Variants in TENM3 observed in about 807,000 individuals in gnomAD.
TENM3 encodes the protein teneurin transmembrane protein 3, also known as teneurin-3.
In TENM3, 63 loss-of-function variants were observed where a neutral mutation model predicts 255.1. The observed-to-expected ratio is 0.25, with a 90% CI of 0.20 to 0.30. The LOEUF (loss-of-function observed/expected upper bound fraction) is 0.30, where lower values mean the gene tolerates loss of function less well. Among genes scored for constraint, TENM3 ranks in the 10% least tolerant of loss-of-function variants. The probability of loss-of-function intolerance (pLI) is 1.00; values close to 1 mark genes in which losing one functional copy is unlikely to be tolerated. For missense variants in TENM3, 2,929 were observed against 3,461.1 expected (o/e 0.85, Z 3.86); for synonymous variants, 1,306 against 1,322.3 (o/e 0.99, Z 0.27).
At chr4:182,252,056 G>T (rs1228235769) in intron 1 of TENM3, among the ~76,000 whole-genome samples, 1 of 152,096 alleles carries the variant, frequency 6.6e-6, no homozygotes, top group South Asian at 2.1e-4. Context: ...GGTGGTACAT[G>T]CCTGTAGTCC....
intron 3 of TENM3, among the ~76,000 whole-genome samples, chr4:182,391,303 T>G (rs536053715): frequency 6.6e-6 from 1 of 152,292 alleles, no homozygotes; most frequent in East Asian, 1.9e-4. Flanking sequence ...AATTAACTAA[T>G]TTATCCAGAG....
the TENM3 span, among the ~76,000 whole-genome samples, chr4:181,456,526 G>A: frequency 6.6e-6 from 1 of 151,858 alleles, no homozygotes; most frequent in South Asian, 2.1e-4. Flanking sequence ...GCAGGAGGCA[G>A]GACTCTAAGC....
chr4:182,096,946 T>A, the TENM3 span, among the ~76,000 whole-genome samples: 1 of 152,168 alleles, frequency 6.6e-6, no homozygotes, highest in African/African-American at 2.4e-5. Context: ...TTGTAATGGG[T>A]AGGAGTAAAC....
the TENM3 span, among the ~76,000 whole-genome samples, chr4:182,030,233 C>A: frequency 2.0e-5 from 3 of 151,974 alleles, no homozygotes; most frequent in African/African-American, 7.3e-5. Context: ...TCTCTCTCCC[C>A]CCACCCCACC....
At chr4:181,807,961 G>A in the TENM3 span, among the ~76,000 whole-genome samples, 1 of 152,150 alleles carries the variant, frequency 6.6e-6, no homozygotes, top group Non-Finnish European at 1.5e-5. Context: ...AAGATACAAA[G>A]GGCAGATTTT....
intron 2 of TENM3, among the ~76,000 whole-genome samples, chr4:182,344,720 C>A (rs897775787): frequency 6.6e-6 from 1 of 152,100 alleles, no homozygotes; most frequent in Non-Finnish European, 1.5e-5. Context: ...ATTTTTCCCT[C>A]TTTAAAAATT....
In TENM3 at chr4:182,800,020, C is replaced by T; in HGVS notation, c.7769C>T (p.Thr2590Met). Reference protein sequence around the residue: ...SQSTTVVNGRTRRFADVEMQF... With the variant: ...SQSTTVVNGRMRRFADVEMQF... Reference sequence around the variant, plus strand: ...TCCACCACGGTGGTGAACGGCAGGACGCGCAGGTTCGCGGACGTGGAGATG... The same window carrying T: ...TCCACCACGGTGGTGAACGGCAGGATGCGCAGGTTCGCGGACGTGGAGATG... The change falls in exon 28 of 28, where the codon ACG becomes ATG. Residue 2590 changes from threonine to methionine, a missense_variant. Coordinates refer to ENST00000511685, the MANE Select transcript of TENM3 (RefSeq NM_001080477.4). 6.3e-7 allele frequency: 1 copy of T among 1,594,048 alleles called. No homozygotes were observed. The highest frequency in any genetic ancestry group is 8.5e-7 in the Non-Finnish European group (1 of 1,171,418).
chr4:182,241,976 C>T (rs111932159), upstream of TENM3, among the ~76,000 whole-genome samples: 14 of 151,628 alleles, frequency 9.2e-5, no homozygotes, highest in African/African-American at 2.9e-4. Context: ...CACTGTCAGC[C>T]ACATGCCTTT....
At chr4:182,284,677 C>T (rs1232788958) in intron 1 of TENM3, among the ~76,000 whole-genome samples, 1 of 151,920 alleles carries the variant, frequency 6.6e-6, no homozygotes, top group South Asian at 2.1e-4. Flanking sequence ...ACTGGTGTCG[C>T]GTTGGAAAAG....
the TENM3 span, among the ~76,000 whole-genome samples, chr4:181,627,601 T>C: frequency 6.6e-6 from 1 of 152,190 alleles, no homozygotes; most frequent in Non-Finnish European, 1.5e-5. Flanking sequence ...TTTTTTGTTC[T>C]TGCAATAGTT....
chr4:182,728,179 T>C (rs1760383112), intron 13 of TENM3, among the ~76,000 whole-genome samples: 1 of 152,170 alleles, frequency 6.6e-6, no homozygotes, highest in Admixed American at 6.5e-5. Context: ...GGTGGTTGGC[T>C]CATCTCATCC....
At chr4:181,977,629 G>C in the TENM3 span, among the ~76,000 whole-genome samples, 4 of 152,280 alleles carry the variant, frequency 2.6e-5, no homozygotes, top group Non-Finnish European at 5.9e-5. Flanking sequence ...AGAACCACAA[G>C]AGAGGCCTAG....
At chr4:182,718,013 A>G (rs778609950) in intron 13 of TENM3, among the ~76,000 whole-genome samples, 3 of 152,028 alleles carry the variant, frequency 2.0e-5, no homozygotes, top group Non-Finnish European at 1.5e-5. Flanking sequence ...TTCACCAGCC[A>G]TTTGCATTGA....
chr4:182,321,162 A>C (rs1399835402), intron 1 of TENM3, among the ~76,000 whole-genome samples: 1 of 152,182 alleles, frequency 6.6e-6, no homozygotes, highest in Non-Finnish European at 1.5e-5. Context: ...ATTTGGAAAC[A>C]AAATTTCCCT....
the TENM3 span, among the ~76,000 whole-genome samples, chr4:181,678,200 C>T: frequency 6.6e-6 from 1 of 152,060 alleles, no homozygotes; most frequent in African/African-American, 2.4e-5. Flanking sequence ...CTGAACACCA[C>T]AAAAATATAT....
intron 3 of TENM3, among the ~76,000 whole-genome samples, chr4:182,573,281 G>A (rs907785534): frequency 2.6e-5 from 4 of 152,078 alleles, no homozygotes; most frequent in African/African-American, 9.7e-5. Context: ...GTGTATATAC[G>A]CTTATGAACC....
At chr4:181,460,292 T>C in the TENM3 span, among the ~76,000 whole-genome samples, 1 of 151,950 alleles carries the variant, frequency 6.6e-6, no homozygotes, top group Admixed American at 6.6e-5. Context: ...CCAAACGTGC[T>C]AGGGTTAAAA....
chr4:181,607,650 G>A, the TENM3 span, among the ~76,000 whole-genome samples: 6 of 152,114 alleles, frequency 3.9e-5, no homozygotes, highest in African/African-American at 1.4e-4. Context: ...TGATCTGCCT[G>A]CCTCAGCCTC....
At chr4:182,325,082 T>C (rs1292975858) in intron 2 of TENM3, among the ~76,000 whole-genome samples, 2 of 152,212 alleles carry the variant, frequency 1.3e-5, no homozygotes, top group Admixed American at 6.5e-5. Context: ...TAAAATCCTC[T>C]TACATTTGTA....
Sources: gnomAD v4.1 joint callset for allele counts (sites outside exome capture counted in the v4.1 genomes callset) on GRCh38, gnomAD v4.1.1 for gene constraint, MANE v1.5 for transcripts, NCBI Gene and HGNC (gene_info 2026-07-23, HGNC 2026-07-21) for gene names.